Variants in NECAP2 observed in about 807,000 individuals in gnomAD.
The protein encoded by NECAP2 is NECAP endocytosis associated 2.
A neutral mutation model predicts 37.8 loss-of-function variants in NECAP2; 38 were observed. The observed-to-expected ratio is 1.01, with a 90% CI of 0.78 to 1.32. The LOEUF (loss-of-function observed/expected upper bound fraction) is 1.32. NECAP2 is among the 40% of genes most tolerant of loss of function. The pLI is 0.00. For missense variants in NECAP2, 316 were observed against 334.5 expected (o/e 0.94, Z 0.43); for synonymous variants, 121 against 127.7 (o/e 0.95, Z 0.35).
At chr1:16,448,239 T>A in intron 4 of NECAP2, 98 bp downstream of exon 4, 1 of 1,221,014 alleles carries the variant, frequency 8.2e-7, no homozygotes, top group East Asian at 2.3e-5. Flanking sequence ...GTGTGTGATT[T>A]GTCTGGCAGC....
At chr1:16,448,671 C>T (rs533927603) in intron 4 of NECAP2, among the ~76,000 whole-genome samples, 1 of 152,176 alleles carries the variant, frequency 6.6e-6, no homozygotes, top group African/African-American at 2.4e-5. Flanking sequence ...TTTTGTGTTG[C>T]CCTCTACTTT....
chr1:16,452,169 C>T (rs2086854681), intron 6 of NECAP2, among the ~76,000 whole-genome samples, 154 bp downstream of exon 6: 1 of 152,212 alleles, frequency 6.6e-6, no homozygotes, highest in Non-Finnish European at 1.5e-5. Flanking sequence ...GCTCATTCTG[C>T]ACACGCTGGG....
chr1:16,457,367 G>T (rs1481329399), intron 7 of NECAP2, among the ~76,000 whole-genome samples: 1 of 152,138 alleles, frequency 6.6e-6, no homozygotes, highest in African/African-American at 2.4e-5. Flanking sequence ...TGAGGCACGA[G>T]AATTGCTTGA....
chr1:16,457,226 C>G (rs1570276676), intron 7 of NECAP2, among the ~76,000 whole-genome samples: 1 of 152,262 alleles, frequency 6.6e-6, no homozygotes, highest in African/African-American at 2.4e-5. Context: ...GATTCCCAGG[C>G]AGGCGGATCA....
At chr1:16,454,132 T>C (rs2086884863) in intron 6 of NECAP2, among the ~76,000 whole-genome samples, 1 of 152,076 alleles carries the variant, frequency 6.6e-6, no homozygotes. Context: ...CAATCTCGGC[T>C]TACCACAACC....
At chr1:16,451,639 A>G in intron 5 of NECAP2, 199 bp from the exon 6 acceptor site, 3 of 623,586 alleles carry the variant, frequency 4.8e-6, no homozygotes, top group Non-Finnish European at 8.6e-6. Flanking sequence ...CTGGGTTTTA[A>G]AATGGACCTT....
At chr1:16,457,937 C>T (rs997514304) in intron 7 of NECAP2, among the ~76,000 whole-genome samples, 3 of 151,950 alleles carry the variant, frequency 2.0e-5, no homozygotes, top group African/African-American at 7.2e-5. Flanking sequence ...TCTGGAACTC[C>T]TGGAATCCAG....
chr1:16,459,226 G>T lies in NECAP2; in HGVS notation c.*336G>T. On this transcript the variant is annotated 3_prime_UTR_variant, in exon 8 of 8. Coordinates refer to ENST00000337132, the MANE Select transcript of NECAP2 (RefSeq NM_018090.5). ...ACAAGCCCCCCAAGCAAAAGAAGAG[G>T]TTGAGTTTGCTGCCAGGATTCAGAT... The T allele has an allele frequency of 2.9e-6, 1 of 346,450 alleles. No individual in the cohort carries two copies. 21.5% of individuals were successfully genotyped at this position (346,450 alleles called of 1,614,324 possible).
intron 4 of NECAP2, among the ~76,000 whole-genome samples, chr1:16,448,568 C>T (rs2086796080): frequency 6.6e-6 from 1 of 152,216 alleles, no homozygotes; most frequent in South Asian, 2.1e-4. Context: ...CTCAGGCTGC[C>T]AGTGAGTGGG....
In NECAP2 at chr1:16,459,154, TGA is replaced by T; in HGVS notation, c.*271_*272del. 1.5e-6 allele frequency: 1 copy of T among 662,120 alleles called. No homozygotes were observed. Among genetic ancestry groups the T allele is most frequent in the Admixed American group, 3.1e-5 (1 of 32,528 alleles). 41.0% of individuals were successfully genotyped at this position (662,120 alleles called of 1,614,324 possible). On this transcript the variant is annotated 3_prime_UTR_variant, in exon 8 of 8. Transcript: ENST00000337132. ...CCTGTCCCCATCTGTCCTCTTGATG[TGA>T]GAGAGACTCTGAGACTTCTTCCATC...
chr1:16,453,905 C>G (rs1329617150), intron 6 of NECAP2, among the ~76,000 whole-genome samples: 1 of 152,120 alleles, frequency 6.6e-6, no homozygotes, highest in African/African-American at 2.4e-5. Context: ...GGCTTGTTTT[C>G]TGGTGTCTGA....
Position 16,459,830 on chromosome 1 carries a change from AAAC to A in NECAP2, c.*944_*946del, listed in dbSNP as rs1207571822. The A allele has an allele frequency of 2.0e-5, 3 of 152,218 alleles. No individual in the cohort carries two copies. Among genetic ancestry groups the A allele is most frequent in the African/African-American group, 7.2e-5 (3 of 41,464 alleles). 9.4% of individuals were successfully genotyped at this position (152,218 alleles called of 1,614,324 possible). On this transcript the variant is annotated 3_prime_UTR_variant, in exon 8 of 8. Coordinates refer to ENST00000337132, the MANE Select transcript of NECAP2 (RefSeq NM_018090.5). ...GTGGTTTCTAAAGTGCCTTATCTGC[AAAC>A]AACTTCTTTTCTCCTTCAGGAACTG...
chr1:16,455,754 A>G (rs761240357), intron 6 of NECAP2, 64 bp from the exon 7 acceptor site: 36 of 1,333,476 alleles, frequency 2.7e-5, no homozygotes, highest in African/African-American at 2.2e-4. Context: ...AAACAACCAG[A>G]AAGGTCTCTG....
chr1:16,440,774 G>A lies in NECAP2; in HGVS notation c.13G>A (p.Gly5Arg), dbSNP rs145414698. 1.2e-6 allele frequency: 2 copies of A among 1,613,964 alleles called. No homozygotes were observed. The highest frequency in any genetic ancestry group is 1.1e-5 in the South Asian group (1 of 91,082). ...TCCAGGCGTCGCGATGGAGGAGAGC[G>A]GGTACGAGTCGGTGCTCTGTGTCAA... MEES[G>R]YESVLCVKPD... Residue 5 changes from glycine (G) to arginine (R), a missense_variant, in exon 1 of 8, where the codon GGG becomes AGG. Physicochemically the swap from Gly to Arg is moderately radical, Grantham distance 125. Transcript: ENST00000337132.
intron 7 of NECAP2, 28 bp from the exon 8 acceptor site, chr1:16,458,814 C>CGGA: frequency 6.2e-7 from 1 of 1,612,268 alleles, no homozygotes; most frequent in South Asian, 1.1e-5. Flanking sequence ...TCTGAACTCC[C>CGGA]CCACCCTTCC....
intron 6 of NECAP2, among the ~76,000 whole-genome samples, chr1:16,453,856 A>C (rs2086880843): frequency 6.6e-6 from 1 of 152,128 alleles, no homozygotes; most frequent in Admixed American, 6.5e-5. Flanking sequence ...GTAGAGTTCT[A>C]GGCACTGGTA....
In NECAP2 at chr1:16,443,725, G is replaced by C. The variant is rs778128755; in HGVS notation, c.186G>C (p.Arg62Ser). The C allele has an allele frequency of 6.8e-6, 11 of 1,612,008 alleles. No homozygotes were observed. Among genetic ancestry groups the C allele is most frequent in the Non-Finnish European group, 5.1e-6 (6 of 1,179,258 alleles). ...TGGCCTACATCAAGCTGGAGGACAG[G>C]ACGTCAGGTAACCGGAAGGGAGGCT... ...GQMAYIKLED[R>S]TSGELFAQAP... Residue 62 changes from arginine to serine, a missense_variant, in exon 2 of 8, where the codon AGG (arginine) becomes AGC (serine). Arg to Ser is a moderately radical substitution (Grantham distance 110). Transcript: ENST00000337132.
At chr1:16,451,632 G>C (rs1187746319) in intron 5 of NECAP2, 1 of 606,076 alleles carries the variant, frequency 1.6e-6, no homozygotes, top group Non-Finnish European at 3.0e-6. Flanking sequence ...GGGGGTGCTG[G>C]GTTTTAAAAT....
Position 16,458,950 on chromosome 1 carries a change from G to A in NECAP2, c.*60G>A, listed in dbSNP as rs2086970143. 1 of 1,613,906 alleles carries A rather than the reference G, an allele frequency of 6.2e-7. No individual in the cohort carries two copies. Among genetic ancestry groups the A allele is most frequent in the Admixed American group, 1.7e-5 (1 of 59,992 alleles). ...AAGGCGCTCCCTCATCTGGGCCAAA[G>A]GAAGGAGGACGAAGCCCTCCTCAGC... On this transcript the variant is annotated 3_prime_UTR_variant, in exon 8 of 8. Coordinates refer to ENST00000337132, the MANE Select transcript of NECAP2 (RefSeq NM_018090.5).
Sources: allele counts gnomAD v4.1 joint callset (sites outside exome capture counted in the v4.1 genomes callset), GRCh38; gene constraint gnomAD v4.1.1; transcripts MANE v1.5; gene names NCBI Gene and HGNC (gene_info 2026-07-23, HGNC 2026-07-21).